The following MTRR variants were observed in gnomAD, a reference collection of about 807,000 sequenced individuals.
The protein encoded by MTRR is 5-methyltetrahydrofolate-homocysteine methyltransferase reductase, also known as methionine synthase reductase.
In MTRR, 63 loss-of-function variants were observed where a neutral mutation model predicts 79.2. The ratio of observed to expected loss-of-function variants is 0.80; its 90% CI spans 0.65 to 0.98. The LOEUF is 0.98. Among genes scored for constraint, MTRR ranks in the 50% least tolerant of loss-of-function variants. The probability of loss-of-function intolerance (pLI) is 0.00; values close to 1 mark genes in which losing one functional copy is unlikely to be tolerated. For missense variants in MTRR, 895 were observed against 839.6 expected, an observed-to-expected ratio of 1.07 and a Z score of -0.82; for synonymous variants, 355 against 313.3, an observed-to-expected ratio of 1.13 and a Z score of -1.41.
rs770557852 is a variant in MTRR, at chr5:7,870,760, C to T, written c.-25-10C>T. ...ATTAAAAAGAGGATCTTTTTTCCCCCATTTTTCAGTTTCACTGTTACATGC... is the reference window on the plus strand; with the variant it reads ...ATTAAAAAGAGGATCTTTTTTCCCCTATTTTTCAGTTTCACTGTTACATGC... On this transcript the variant is annotated splice_polypyrimidine_tract_variant and intron_variant, in intron 1 of 14. Transcript: ENST00000440940. The T allele has an allele frequency of 6.8e-6, 11 of 1,613,882 alleles. No homozygotes were observed. Among genetic ancestry groups the T allele is most frequent in the African/African-American group, 1.3e-5 (1 of 74,890 alleles).
At chr5:7,875,968 G>A (rs544235685) in intron 4 of MTRR, among the ~76,000 whole-genome samples, 9 of 152,286 alleles carry the variant, frequency 5.9e-5, no homozygotes, top group African/African-American at 1.9e-4. Context: ...TCATCCTGAT[G>A]TGTTTATTCA....
At chr5:7,875,235 A>T in intron 3 of MTRR, 23 bp from the exon 4 acceptor site, 1 of 1,459,160 alleles carries the variant, frequency 6.9e-7, no homozygotes, top group Non-Finnish European at 9.6e-7. Flanking sequence ...ATTGTGCATT[A>T]ATTATGTATT....
intron 6 of MTRR, among the ~76,000 whole-genome samples, chr5:7,883,665 TC>T (rs1158150203): frequency 6.6e-6 from 1 of 152,210 alleles, no homozygotes; most frequent in African/African-American, 2.4e-5. Context: ...GCCATTTTAT[TC>T]CTGACCCATC....
intron 3 of MTRR, among the ~76,000 whole-genome samples, chr5:7,874,678 G>T (rs1411596523): frequency 2.1e-5 from 3 of 146,092 alleles, no homozygotes; most frequent in Non-Finnish European, 4.5e-5. Context: ...GTTAATTGTG[G>T]TTATTTATAT....
intron 10 of MTRR, among the ~76,000 whole-genome samples, 153 bp from the exon 11 acceptor site, chr5:7,892,574 T>C (rs1396612154): frequency 6.6e-6 from 1 of 152,196 alleles, no homozygotes; most frequent in East Asian, 1.9e-4. Context: ...GGGCAGTTTT[T>C]AATTACGTAA....
At chr5:7,852,959 A>G (rs948316632) in intron 1 of MTRR, among the ~76,000 whole-genome samples, 19 of 152,204 alleles carry the variant, frequency 1.2e-4, no homozygotes, top group African/African-American at 4.6e-4. Context: ...GAAATTAGTA[A>G]AGTTTACACA....
rs1184562274 is a variant in MTRR, at chr5:7,895,874, T to G, written c.1676+22T>G. On this transcript the variant is annotated intron_variant, in intron 12 of 14. Transcript: ENST00000440940. ...ATAGGTATGTTCTTTTTTTGGCTAA[T>G]GGGAAAATGTATTCCTGAGTAACCG... 5.0e-6 allele frequency: 8 copies of G among 1,613,808 alleles called. No homozygotes were observed. The East Asian group carries it at 1.8e-4, about 36-fold the overall frequency.
chr5:7,871,019 CAT>C (rs1747889026), intron 2 of MTRR, 96 bp downstream of exon 2: 2 of 1,385,268 alleles, frequency 1.4e-6, no homozygotes, highest in Non-Finnish European at 2.0e-6. Flanking sequence ...AATACCACCA[CAT>C]AGTCTTTGTT....
At position 7,869,218 on chromosome 5, in the gene MTRR, A is replaced by G. The variant is rs1747395778; in HGVS notation, c.-26+3A>G. ...CGTGCCCGGCTGGCGCGGCGTGGGT[A>G]AGCTGCCTGTCGGCTACGGTTCCCG... is the stretch of plus-strand genomic sequence containing the variant. On this transcript the variant is annotated splice_donor_region_variant and intron_variant, in intron 1 of 14. Coordinates refer to ENST00000440940, the MANE Select transcript of MTRR (RefSeq NM_002454.3). 2.5e-6 allele frequency: 4 copies of G among 1,605,738 alleles called. No homozygotes were observed. Among genetic ancestry groups the G allele is most frequent in the Admixed American group, 1.7e-5 (1 of 59,982 alleles).
intron 5 of MTRR, among the ~76,000 whole-genome samples, chr5:7,880,499 T>C (rs374349525): frequency 1.3e-5 from 2 of 152,286 alleles, no homozygotes. Context: ...TTCCAGTAGT[T>C]CAGTGTCATC....
In MTRR at chr5:7,870,861, T is replaced by C. The variant is rs781726691; in HGVS notation, c.67T>C (p.Cys23Arg). 20 of 1,614,210 alleles carry C rather than the reference T, an allele frequency of 1.2e-5. No homozygotes were observed. In the South Asian group the frequency reaches 1.4e-4, roughly 12 times the overall value. Reference protein sequence around the residue: ...GQAKAIAEEICEQAVVHGFSA... With the variant: ...GQAKAIAEEIREQAVVHGFSA... ...GGCAAAGGCCATCGCAGAAGAAATA[T>C]GTGAGCAAGCTGTGGTACATGGATT... Residue 23 changes from cysteine (C) to arginine (R), a missense_variant, in exon 2 of 15, where the codon TGT becomes CGT. Cys to Arg is a radical substitution (Grantham distance 180). Transcript: ENST00000440940.
intron 4 of MTRR, among the ~76,000 whole-genome samples, chr5:7,877,604 C>T (rs1220172363): frequency 6.6e-6 from 1 of 151,464 alleles, no homozygotes; most frequent in Non-Finnish European, 1.5e-5. Context: ...CATTAGTATG[C>T]CTATTTAAAA....
chr5:7,875,872 C>T (rs542842620), intron 4 of MTRR, among the ~76,000 whole-genome samples: 16 of 152,328 alleles, frequency 1.1e-4, no homozygotes, highest in Non-Finnish European at 1.5e-4. Flanking sequence ...GCCAATCAGA[C>T]GTTTACAGAC....
chr5:7,896,541 C>G (rs1738552073), intron 12 of MTRR: 2 of 388,254 alleles, frequency 5.2e-6, no homozygotes, highest in South Asian at 5.0e-5. Context: ...TTCCATAGTA[C>G]AAGTTCATTT....
intron 1 of MTRR, 184 bp downstream of exon 1, chr5:7,869,399 T>G: frequency 1.5e-6 from 1 of 647,210 alleles, no homozygotes; most frequent in Non-Finnish European, 2.6e-6. Context: ...GCCTTTGGCT[T>G]TGGTGTCCCC....
At chr5:7,868,162 C>T, upstream of MTRR, 1 of 718,636 alleles carries the variant, frequency 1.4e-6, no homozygotes, top group Non-Finnish European at 2.1e-6. Flanking sequence ...CATGATTGAC[C>T]CAACATCAAT....
chr5:7,876,669 T>G (rs1734611974), intron 4 of MTRR, among the ~76,000 whole-genome samples: 1 of 152,236 alleles, frequency 6.6e-6, no homozygotes, highest in South Asian at 2.1e-4. Context: ...ATACCTGGGT[T>G]CAAATCCTTG....
chr5:7,875,262 C>G lies in MTRR; in HGVS notation c.288C>G (p.Leu96=), dbSNP rs35587995. ...TTATGTATTTGGGTTCTCTAGGTCT[C>G]GGTGATTCAGAATACACCTACTTTT... ...FAHLRYGLLG[L]GDSEYTYFCN... The change falls in exon 4 of 15, where the codon CTC becomes CTG. Residue 96 remains leucine (L), a synonymous_variant. Transcript: ENST00000440940. The G allele has an allele frequency of 6.2e-7, 1 of 1,605,998 alleles. No individual in the cohort carries two copies. The highest frequency in any genetic ancestry group is 8.5e-7 in the Non-Finnish European group (1 of 1,173,032).
chr5:7,895,014 A>G (rs904564199), intron 11 of MTRR, among the ~76,000 whole-genome samples: 1 of 152,188 alleles, frequency 6.6e-6, no homozygotes, highest in African/African-American at 2.4e-5. Flanking sequence ...ATTACTTCCT[A>G]CAGTCGTCCT....
Sources: allele counts gnomAD v4.1 joint callset (sites outside exome capture counted in the v4.1 genomes callset), GRCh38; gene constraint gnomAD v4.1.1; transcripts MANE v1.5; gene names NCBI Gene and HGNC (gene_info 2026-07-23, HGNC 2026-07-21).